GPAT3: variants seen among roughly 807,000 people sequenced by gnomAD.
GPAT3 encodes 1-AGP acyltransferase 9.
A neutral mutation model predicts 58.8 loss-of-function variants in GPAT3; 53 were observed. That is an observed-to-expected ratio of 0.90 (90% CI 0.72 to 1.13). The LOEUF is 1.13. Ranked by LOEUF, GPAT3 falls within the 50% of genes most tolerant of loss-of-function variation. GPAT3 has a pLI of 0.00. For synonymous variants in GPAT3, 197 were observed against 187.4 expected (o/e 1.05, Z -0.42); for missense variants, 511 against 527.6 (o/e 0.97, Z 0.31).
At chr4:83,562,769 T>C (rs1725226260) in intron 2 of GPAT3, among the ~76,000 whole-genome samples, 1 of 149,032 alleles carries the variant, frequency 6.7e-6, no homozygotes, top group Non-Finnish European at 1.5e-5. Flanking sequence ...GCAGAGAAAA[T>C]GGAAACAGAG....
Position 83,541,663 on chromosome 4 carries a change from C to A in GPAT3, c.142-2873C>A, listed in dbSNP as rs1724308619. Among the ~76,000 whole-genome samples the A allele has an allele frequency of 2.6e-5, 4 of 152,246 alleles. No homozygotes were observed. In the East Asian group the frequency reaches 7.7e-4, roughly 29 times the overall value. Reference sequence around the variant, plus strand: ...ATGGAGTGCTTTTGAGCAGATCATGCTATTTGAGGAATATCACTGTATTAG... The same window carrying A: ...ATGGAGTGCTTTTGAGCAGATCATGATATTTGAGGAATATCACTGTATTAG... On this transcript the variant is annotated intron_variant, in intron 1 of 11. Coordinates refer to ENST00000264409, the MANE Select transcript of GPAT3 (RefSeq NM_032717.5).
intron 2 of GPAT3, among the ~76,000 whole-genome samples, chr4:83,548,323 G>C (rs147396727): frequency 3.9e-5 from 6 of 152,228 alleles, no homozygotes; most frequent in African/African-American, 1.2e-4. Flanking sequence ...ATATACAAAG[G>C]ATCGTTTGAC....
At chr4:83,562,188 T>TATATATA (rs1553944852) in intron 2 of GPAT3, among the ~76,000 whole-genome samples, 2 of 52,774 alleles carry the variant, frequency 3.8e-5, no homozygotes, top group African/African-American at 2.3e-4. Flanking sequence ...ATTATATATA[T>TATATATA]ATATATATAT....
rs370766030 is a variant in GPAT3 at position 83,590,443 on chromosome 4, A to C, written c.738+151A>C. 224 of 659,482 alleles carry C rather than the reference A, an allele frequency of 3.4e-4. 3 individuals carry two copies. In the African/African-American group the frequency reaches 3.8e-3, roughly 11 times the overall value. The allele number at this position is 659,482 out of a possible 1,614,324, so 40.9% of individuals were successfully genotyped here. On this transcript the variant is annotated intron_variant, in intron 6 of 11. Transcript: ENST00000264409. ...TATATAAGTTATGTAATGTATTTAC[A>C]TGAGGAATATGTAGTGCAAGAAAAG...
intron 8 of GPAT3, 114 bp from the exon 9 acceptor site, chr4:83,597,316 G>A (rs1431389180): frequency 3.5e-6 from 2 of 568,044 alleles, no homozygotes; most frequent in Non-Finnish European, 5.7e-6. Context: ...GTAGTACGAT[G>A]CCTGTAATTT....
intron 5 of GPAT3, among the ~76,000 whole-genome samples, chr4:83,588,743 G>A (rs1405142147): frequency 1.3e-5 from 2 of 152,198 alleles, no homozygotes; most frequent in South Asian, 2.1e-4. Flanking sequence ...AGGACTAGAC[G>A]TGGAGTCTGG....
intron 2 of GPAT3, among the ~76,000 whole-genome samples, chr4:83,547,431 T>C (rs1724577799): frequency 6.6e-6 from 1 of 151,774 alleles, no homozygotes; most frequent in Non-Finnish European, 1.5e-5. Context: ...TTTTTGTATT[T>C]TTAGTAGAGA....
At chr4:83,573,500 T>C (rs1329199875) in intron 2 of GPAT3, among the ~76,000 whole-genome samples, 2 of 152,232 alleles carry the variant, frequency 1.3e-5, no homozygotes, top group Non-Finnish European at 2.9e-5. Flanking sequence ...GGCCTCTTCC[T>C]TGACATTGAA....
At chr4:83,604,141 G>A (rs553139410) in intron 11 of GPAT3, among the ~76,000 whole-genome samples, 1 of 152,000 alleles carries the variant, frequency 6.6e-6, no homozygotes, top group Non-Finnish European at 1.5e-5. Context: ...GCGTGATCTC[G>A]GCTCACTGCA....
intron 2 of GPAT3, among the ~76,000 whole-genome samples, chr4:83,570,322 A>G (rs923019258): frequency 1.3e-5 from 2 of 152,184 alleles, no homozygotes; most frequent in East Asian, 1.9e-4. Context: ...TGTAGGTGTC[A>G]AGGGTTTTAT....
intron 1 of GPAT3, among the ~76,000 whole-genome samples, chr4:83,538,411 T>C (rs950214136): frequency 2.0e-5 from 3 of 152,248 alleles, no homozygotes; most frequent in African/African-American, 7.2e-5. Context: ...GTGAATTTCT[T>C]GACTGCTTCC....
rs866052638 is a variant in GPAT3 at position 83,605,251 on chromosome 4, A to G, written c.*484A>G. 1 of 152,384 alleles carries G rather than the reference A, an allele frequency of 6.6e-6. No homozygotes were observed. The highest frequency in any genetic ancestry group is 2.1e-4 in the South Asian group (1 of 4,836). 9.4% of individuals were successfully genotyped at this position (152,384 alleles called of 1,614,324 possible). On this transcript the variant is annotated 3_prime_UTR_variant, in exon 12 of 12. Coordinates refer to ENST00000264409, the MANE Select transcript of GPAT3 (RefSeq NM_032717.5). Reference sequence around the variant, plus strand: ...GAAAAATGGAGGATTGTATTTAGGAAAAGGGACAACTTTGTGGCCACCTGC... The same window carrying G: ...GAAAAATGGAGGATTGTATTTAGGAGAAGGGACAACTTTGTGGCCACCTGC...
upstream of GPAT3, chr4:83,535,914 A>G: frequency 1.0e-6 from 1 of 985,548 alleles, no homozygotes; most frequent in Non-Finnish European, 1.2e-6. Flanking sequence ...GACATTTTTC[A>G]GATGAAAACT....
chr4:83,555,923 G>A (rs1354219218), intron 2 of GPAT3, among the ~76,000 whole-genome samples: 1 of 152,200 alleles, frequency 6.6e-6, no homozygotes, highest in Non-Finnish European at 1.5e-5. Flanking sequence ...GGGGTCACAG[G>A]AGTGTTCTGT....
intron 5 of GPAT3, among the ~76,000 whole-genome samples, chr4:83,589,508 G>A (rs944243590): frequency 5.3e-5 from 8 of 152,186 alleles, no homozygotes; most frequent in African/African-American, 1.9e-4. Context: ...GGCTTGCAAA[G>A]CTTAAAGTAT....
At chr4:83,543,208 G>T (rs1028916598) in intron 1 of GPAT3, among the ~76,000 whole-genome samples, 4 of 151,940 alleles carry the variant, frequency 2.6e-5, no homozygotes, top group African/African-American at 9.7e-5. Context: ...GCTGAGGTGG[G>T]AGGATTGCTT....
At chr4:83,583,667 G>GAAGAAAAAAAAAAAAAAAA (rs760151577) in intron 3 of GPAT3, among the ~76,000 whole-genome samples, 1 of 23,462 alleles carries the variant, frequency 4.3e-5, no homozygotes, top group East Asian at 1.4e-3. Context: ...ACTCTTGTCT[G>GAAGAAAAAAAAAAAAAAAA]AAAAAAAAAA....
intron 2 of GPAT3, among the ~76,000 whole-genome samples, chr4:83,579,178 CTTTCT>C (rs1413216543): frequency 1.4e-5 from 2 of 138,798 alleles, no homozygotes; most frequent in African/African-American, 2.7e-5. Flanking sequence ...TCTTTCTTTC[CTTTCT>C]TAATTTTTAT....
intron 2 of GPAT3, among the ~76,000 whole-genome samples, chr4:83,563,354 C>G (rs1725250340): frequency 6.6e-6 from 1 of 152,136 alleles, no homozygotes; most frequent in African/African-American, 2.4e-5. Context: ...AGCTTCCACT[C>G]CTGTTACTGA....
Sources: allele counts gnomAD v4.1 joint callset (sites outside exome capture counted in the v4.1 genomes callset), GRCh38; gene constraint gnomAD v4.1.1; transcripts MANE v1.5; gene names NCBI Gene and HGNC (gene_info 2026-07-23, HGNC 2026-07-21).